Variants in PINX1 observed in about 807,000 individuals in gnomAD.
PINX1 encodes PIN2/TERF1-interacting telomerase inhibitor 1.
A neutral mutation model predicts 25.4 loss-of-function variants in PINX1; 34 were observed. The ratio of observed to expected loss-of-function variants is 1.34; its 90% CI spans 1.02 to 1.78. The LOEUF is 1.78. Ranked by LOEUF, PINX1 falls within the 40% of genes most tolerant of loss-of-function variation. The pLI is 0.00. For missense variants in PINX1, 592 were observed against 404.9 expected (o/e 1.46, Z -3.97); for synonymous variants, 197 against 147.7 (o/e 1.33, Z -2.42).
intron 1 of PINX1, among the ~76,000 whole-genome samples, chr8:10,836,137 G>C (rs542052492): frequency 6.6e-6 from 1 of 152,002 alleles, no homozygotes; most frequent in East Asian, 1.9e-4. Context: ...CCTGTCAAAG[G>C]GGCTCACTGT....
At chr8:10,772,589 C>T (rs753097130) in intron 6 of PINX1, among the ~76,000 whole-genome samples, 89 of 152,214 alleles carry the variant, frequency 5.8e-4, no homozygotes, top group Non-Finnish European at 9.8e-4. Flanking sequence ...TTAGGCTAAA[C>T]GCACCAAGTC....
At chr8:10,787,158 T>A (rs1563209734) in intron 6 of PINX1, among the ~76,000 whole-genome samples, 1 of 151,844 alleles carries the variant, frequency 6.6e-6, no homozygotes, top group African/African-American at 2.4e-5. Flanking sequence ...ATTTGATATA[T>A]TATATATATA....
intron 6 of PINX1, among the ~76,000 whole-genome samples, chr8:10,788,601 A>G (rs6984391): frequency 0.16 from 24,338 of 152,072 alleles, 2,454 homozygotes; most frequent in Non-Finnish European, 0.23. Context: ...ATGTATATCT[A>G]TTGGTATAAT....
At chr8:10,791,984 A>C (rs1801937522) in intron 6 of PINX1, among the ~76,000 whole-genome samples, 1 of 152,156 alleles carries the variant, frequency 6.6e-6, no homozygotes, top group Admixed American at 6.5e-5. Context: ...CCTGGCAGTG[A>C]TGAGACTCTT....
chr8:10,831,545 A>T, intron 4 of PINX1, 120 bp downstream of exon 4: 1 of 690,184 alleles, frequency 1.4e-6, no homozygotes, highest in Non-Finnish European at 2.6e-6. Flanking sequence ...AGGTATTGAC[A>T]TATCACACTA....
chr8:10,832,264 G>C (rs890369789), intron 3 of PINX1, among the ~76,000 whole-genome samples: 1 of 152,080 alleles, frequency 6.6e-6, no homozygotes, highest in Non-Finnish European at 1.5e-5. Context: ...TTTGTAAGGT[G>C]GTTACCTAAT....
At chr8:10,766,823 A>C (rs1801064947) in intron 6 of PINX1, among the ~76,000 whole-genome samples, 1 of 152,234 alleles carries the variant, frequency 6.6e-6, no homozygotes, top group South Asian at 2.1e-4. Context: ...TTGAGAAGCG[A>C]GAGAAAATTC....
intron 6 of PINX1, among the ~76,000 whole-genome samples, chr8:10,804,727 T>C (rs10099137): frequency 0.23 from 35,091 of 150,276 alleles, 4,201 homozygotes; most frequent in East Asian, 0.33. Context: ...AATACAAAAT[T>C]AGCAGGCCCT....
chr8:10,820,063 G>A (rs774322912), intron 6 of PINX1, 130 bp downstream of exon 6: 21 of 683,164 alleles, frequency 3.1e-5, no homozygotes, highest in Non-Finnish European at 5.2e-5. Context: ...TCTAGGCTGT[G>A]CATGAAGCCT....
chr8:10,776,318 G>A (rs368313925), intron 6 of PINX1, among the ~76,000 whole-genome samples: 1 of 151,990 alleles, frequency 6.6e-6, no homozygotes, highest in Non-Finnish European at 1.5e-5. Flanking sequence ...CCAGCTACTT[G>A]GGAGGCTGAG....
intron 6 of PINX1, among the ~76,000 whole-genome samples, chr8:10,802,082 T>A (rs983605209): frequency 1.3e-5 from 2 of 151,612 alleles, no homozygotes; most frequent in Non-Finnish European, 2.9e-5. Flanking sequence ...AGGGCCCAAA[T>A]GATTCAAAGA....
At chr8:10,824,418 C>G (rs1397813899) in intron 5 of PINX1, among the ~76,000 whole-genome samples, 2 of 152,184 alleles carry the variant, frequency 1.3e-5, no homozygotes, top group African/African-American at 2.4e-5. Flanking sequence ...CGTCTCCACT[C>G]CAGCTCTTCT....
intron 6 of PINX1, among the ~76,000 whole-genome samples, chr8:10,777,658 C>A (rs1359975397): frequency 6.6e-6 from 1 of 152,254 alleles, no homozygotes; most frequent in African/African-American, 2.4e-5. Flanking sequence ...TTGGTCCCCC[C>A]AAAATTGCCT....
At chr8:10,836,973 T>C (rs1262733202) in intron 1 of PINX1, among the ~76,000 whole-genome samples, 2 of 152,180 alleles carry the variant, frequency 1.3e-5, no homozygotes, top group African/African-American at 2.4e-5. Flanking sequence ...ACATGTCCTT[T>C]GTAATTCTCA....
chr8:10,796,635 C>CA (rs909887843), intron 6 of PINX1, among the ~76,000 whole-genome samples: 2 of 151,946 alleles, frequency 1.3e-5, no homozygotes, highest in African/African-American at 4.8e-5. Context: ...TCACTCCAGA[C>CA]AGGTGATAAG....
rs770664584 is a variant in PINX1 at position 10,832,975 on chromosome 8, C to T, written c.139G>A (p.Ala47Thr). ...TGATCTGTGGCTCCTTGCTCCTGAG[C>T]CCCTAAACCCTGTGGAGATTAAACA... ...MGWSKGKGLG[A>T]QEQGATDHIK... The change falls in exon 3 of 7, where the codon GCT (alanine) becomes ACT (threonine). Residue 47 changes from alanine to threonine, a missense_variant. Coordinates refer to ENST00000314787, the MANE Select transcript of PINX1 (RefSeq NM_017884.6). The T allele has an allele frequency of 6.2e-7, 1 of 1,605,018 alleles. No homozygotes were observed. The highest frequency in any genetic ancestry group is 1.1e-5 in the South Asian group (1 of 89,564).
chr8:10,818,651 C>G (rs576927342), intron 6 of PINX1, among the ~76,000 whole-genome samples: 3 of 152,154 alleles, frequency 2.0e-5, no homozygotes, highest in South Asian at 2.1e-4. Flanking sequence ...AACGCCAGTA[C>G]AGAAGGCACG....
At chr8:10,780,335 T>C (rs1003711324) in intron 6 of PINX1, among the ~76,000 whole-genome samples, 5 of 152,190 alleles carry the variant, frequency 3.3e-5, no homozygotes, top group African/African-American at 1.2e-4. Flanking sequence ...CCATCAGTTA[T>C]GACACTAACT....
At chr8:10,810,177 C>A (rs1439695836) in intron 6 of PINX1, among the ~76,000 whole-genome samples, 1 of 152,220 alleles carries the variant, frequency 6.6e-6, no homozygotes, top group African/African-American at 2.4e-5. Flanking sequence ...ACCTCCGACA[C>A]TGGGGATTAC....
Sources: allele counts gnomAD v4.1 joint callset (sites outside exome capture counted in the v4.1 genomes callset), GRCh38; gene constraint gnomAD v4.1.1; transcripts MANE v1.5; gene names NCBI Gene and HGNC (gene_info 2026-07-23, HGNC 2026-07-21).